The following DISC1 variants were observed in gnomAD, a reference collection of about 807,000 sequenced individuals.
The protein encoded by DISC1 is disrupted in schizophrenia 1 protein.
A neutral mutation model predicts 84.5 loss-of-function variants in DISC1; 57 were observed. The observed-to-expected ratio is 0.67, with a 90% CI of 0.55 to 0.84. The LOEUF (loss-of-function observed/expected upper bound fraction) is 0.84. DISC1 is among the 40% of genes least tolerant of loss of function. DISC1 has a pLI of 0.00. For synonymous variants in DISC1, 411 were observed against 415.2 expected (o/e 0.99, Z 0.12); for missense variants, 1,000 against 1,057.8 (o/e 0.95, Z 0.76).
At position 232,036,766 on chromosome 1, in the gene DISC1, G is replaced by A. The variant is rs1189545304; in HGVS notation, c.2500G>A (p.Glu834Lys). 9 of 1,606,586 alleles carry A rather than the reference G, an allele frequency of 5.6e-6. No individual in the cohort carries two copies. The change falls in exon 13 of 13, where the codon GAG (glutamate) becomes AAG (lysine). Residue 834 changes from glutamate (E) to lysine (K), a missense_variant. This residue lies in a region of DISC1 where 397 missense variants were observed against 377.5 expected (regional missense o/e 1.05). Transcript: ENST00000439617. Reference sequence around the variant, plus strand: ...GATCCTGCAGCTCCAGCCAGCAAAGGAGGCGGGAGAAAGAGAAGCTGCAGC... The same window carrying A: ...GATCCTGCAGCTCCAGCCAGCAAAGAAGGCGGGAGAAAGAGAAGCTGCAGC... ...AMILQLQPAK[E>K]AGEREAAASC...
chr1:231,803,848 G>A (rs1342775605), intron 8 of DISC1, among the ~76,000 whole-genome samples: 1 of 151,494 alleles, frequency 6.6e-6, no homozygotes, highest in Non-Finnish European at 1.5e-5. Flanking sequence ...CTCGGGAGGC[G>A]GAGGCAGGAG....
At chr1:231,912,742 C>CTTTCTTTCT (rs1553393983) in intron 9 of DISC1, among the ~76,000 whole-genome samples, 14 of 132,564 alleles carry the variant, frequency 1.1e-4, no homozygotes, top group East Asian at 4.0e-4. Context: ...GCAGCTTGCT[C>CTTTCTTTCT]TTCTTTCTTT....
intron 9 of DISC1, among the ~76,000 whole-genome samples, chr1:231,834,159 TG>T (rs1208624290): frequency 2.6e-5 from 4 of 151,842 alleles, no homozygotes; most frequent in Non-Finnish European, 4.4e-5. Flanking sequence ...GCTGGGCAGG[TG>T]GGGGAGGGCT....
intron 10 of DISC1, among the ~76,000 whole-genome samples, chr1:231,989,095 A>T (rs988646228): frequency 6.6e-6 from 1 of 152,002 alleles, no homozygotes; most frequent in African/African-American, 2.4e-5. Context: ...TTGCCTGGCT[A>T]CTCTGGTCTT....
intron 1 of DISC1, among the ~76,000 whole-genome samples, chr1:231,681,203 G>A (rs1259216969): frequency 6.6e-6 from 1 of 152,172 alleles, no homozygotes; most frequent in Non-Finnish European, 1.5e-5. Context: ...GGGGCTGCTT[G>A]ATGCATTTGA....
intron 11 of DISC1, among the ~76,000 whole-genome samples, chr1:232,023,713 G>C (rs74144337): frequency 0.018 from 2,708 of 152,202 alleles, 74 homozygotes; most frequent in African/African-American, 0.059. Flanking sequence ...GATGAAGATT[G>C]AGTCATTTGA....
intron 3 of DISC1, among the ~76,000 whole-genome samples, chr1:231,722,076 C>T (rs929773893): frequency 6.0e-5 from 9 of 148,940 alleles, no homozygotes; most frequent in Non-Finnish European, 1.2e-4. Flanking sequence ...TGGCATGAAC[C>T]TGGGAGGCGG....
At chr1:231,819,630 C>G (rs190889223) in intron 9 of DISC1, among the ~76,000 whole-genome samples, 1 of 152,048 alleles carries the variant, frequency 6.6e-6, no homozygotes, top group Non-Finnish European at 1.5e-5. Flanking sequence ...AGAGACAGTA[C>G]GTTTGAGGCT....
intron 1 of DISC1, among the ~76,000 whole-genome samples, chr1:231,688,447 A>G (rs1442441816): frequency 6.6e-6 from 1 of 152,204 alleles, no homozygotes; most frequent in Non-Finnish European, 1.5e-5. Context: ...CAAAGGGCAA[A>G]AAACCTTTTG....
At chr1:231,844,796 G>A (rs901710025) in intron 9 of DISC1, among the ~76,000 whole-genome samples, 1 of 151,740 alleles carries the variant, frequency 6.6e-6, no homozygotes, top group Non-Finnish European at 1.5e-5. Flanking sequence ...ACATTGTGGT[G>A]GGCGCCTGTA....
chr1:231,800,329 A>G (rs948314559), intron 8 of DISC1, 119 bp downstream of exon 8: 1 of 869,910 alleles, frequency 1.1e-6, no homozygotes, highest in African/African-American at 1.7e-5. Flanking sequence ...CAGACATCTG[A>G]AAGCTTTTCT....
intron 6 of DISC1, among the ~76,000 whole-genome samples, chr1:231,788,669 A>T (rs533252224): frequency 5.3e-5 from 8 of 152,308 alleles, no homozygotes; most frequent in African/African-American, 1.7e-4. Flanking sequence ...TGAGAGATGC[A>T]ATTTAAAAAG....
At chr1:231,733,662 GGTAGTGGTAGTGGTGGGA>G (rs2071984746) in intron 3 of DISC1, among the ~76,000 whole-genome samples, 1 of 144,416 alleles carries the variant, frequency 6.9e-6, no homozygotes, top group Non-Finnish European at 1.6e-5. Context: ...GAGTGATGGT[GGTAGTGGTAGTGGTGGGA>G]GAAGTCGTAG....
chr1:231,693,676 G>A, intron 1 of DISC1, 150 bp from the exon 2 acceptor site: 2 of 1,145,806 alleles, frequency 1.7e-6, no homozygotes, highest in Non-Finnish European at 2.5e-6. Flanking sequence ...TTTACATAAT[G>A]GATTGGCCCT....
At chr1:231,993,124 A>G (rs987788232) in intron 10 of DISC1, among the ~76,000 whole-genome samples, 1 of 152,116 alleles carries the variant, frequency 6.6e-6, no homozygotes, top group African/African-American at 2.4e-5. Flanking sequence ...ATGGGCCTTG[A>G]TGAAATGGTT....
chr1:231,634,790 A>T (rs755425645), intron 1 of DISC1, among the ~76,000 whole-genome samples: 1 of 152,186 alleles, frequency 6.6e-6, no homozygotes, highest in Non-Finnish European at 1.5e-5. Context: ...GCATGCCTAT[A>T]GTCCCAGCTC....
chr1:231,912,761 CTTT>C, intron 9 of DISC1, among the ~76,000 whole-genome samples: 1 of 134,330 alleles, frequency 7.4e-6, no homozygotes, highest in Non-Finnish European at 1.6e-5. Context: ...TTCTTTCTTT[CTTT>C]CTTTCTTTCT....
In DISC1 at chr1:232,031,192, A is replaced by AGT. The variant is rs1669990211; in HGVS notation, c.2425+4641_2425+4642insTG. Among the ~76,000 whole-genome samples, 1 of 110,060 alleles carries AGT rather than the reference A, an allele frequency of 9.1e-6. No homozygotes were observed. The highest frequency in any genetic ancestry group is 2.1e-5 in the Non-Finnish European group (1 of 47,758). 72.2% of individuals were successfully genotyped at this position (110,060 alleles called of 152,430 possible). The stretch of plus-strand genomic sequence containing the variant: ...AGGAAGGAAGGAAGGGAGAAAGGAG[A>AGT]GACAGAGAGAGAGGAAGGAAGGAAG... On this transcript the variant is annotated intron_variant, in intron 12 of 12. Coordinates refer to ENST00000439617, the MANE Select transcript of DISC1 (RefSeq NM_018662.3). The surrounding 1 kb of genome is among the most constrained non-coding windows in gnomAD (Gnocchi z 4.6).
chr1:231,807,081 A>G (rs1010384376), intron 8 of DISC1, among the ~76,000 whole-genome samples: 2 of 152,034 alleles, frequency 1.3e-5, no homozygotes, highest in Admixed American at 1.3e-4. Context: ...GGGGCCCTCA[A>G]CCCTCCTCCA....
Sources: allele counts gnomAD v4.1 joint callset (sites outside exome capture counted in the v4.1 genomes callset), GRCh38; gene constraint gnomAD v4.1.1; regional missense constraint gnomAD v4.1.1; non-coding constraint Gnocchi (gnomAD v3.1); transcripts MANE v1.5; gene names NCBI Gene and HGNC (gene_info 2026-07-23, HGNC 2026-07-21).